HCN1: variants seen among roughly 807,000 people sequenced by gnomAD.
HCN1 encodes potassium/sodium hyperpolarization-activated cyclic nucleotide-gated channel 1.
Under a neutral mutation model 78.9 loss-of-function variants are expected in HCN1, and 13 were observed. The ratio of observed to expected loss-of-function variants is 0.16; its 90% CI spans 0.11 to 0.26. HCN1 has a LOEUF of 0.26. HCN1 is among the 10% of genes least tolerant of loss of function. HCN1 has a pLI of 1.00. For synonymous variants in HCN1, 552 were observed against 455.5 expected (o/e 1.21, Z -2.70); for missense variants, 810 against 1,154.3 (o/e 0.70, Z 4.32).
chr5:45,628,991 A>T (rs1338840370), intron 2 of HCN1, among the ~76,000 whole-genome samples: 1 of 151,472 alleles, frequency 6.6e-6, no homozygotes, highest in Non-Finnish European at 1.5e-5. Flanking sequence ...AAAATAAAAA[A>T]AAAAAAGAAA....
intron 2 of HCN1, among the ~76,000 whole-genome samples, chr5:45,540,110 T>C (rs1743068197): frequency 6.6e-6 from 1 of 151,794 alleles, no homozygotes; most frequent in Admixed American, 6.6e-5. Flanking sequence ...TTGTTGTTCA[T>C]TCAGATAGAA....
At chr5:45,436,598 T>C (rs1740564164) in intron 3 of HCN1, among the ~76,000 whole-genome samples, 1 of 152,210 alleles carries the variant, frequency 6.6e-6, no homozygotes, top group Admixed American at 6.5e-5. Context: ...CAGTTTGCTA[T>C]GGCAAGTAGT....
intron 3 of HCN1, among the ~76,000 whole-genome samples, chr5:45,427,619 A>G (rs1333097360): frequency 6.6e-6 from 1 of 152,108 alleles, no homozygotes; most frequent in African/African-American, 2.4e-5. Flanking sequence ...ATTTTTGGGG[A>G]AAAGTTATAA....
intron 4 of HCN1, among the ~76,000 whole-genome samples, chr5:45,373,923 A>ATCTATAATATATTACATACGGTATATACG (rs2112012404): frequency 7.7e-6 from 1 of 129,514 alleles, no homozygotes; most frequent in Non-Finnish European, 1.6e-5. Flanking sequence ...CGGTATATAC[A>ATCTATAATATATTACATACGGTATATACG]TCATATATAT....
At chr5:45,368,973 C>T (rs1213495341) in intron 4 of HCN1, among the ~76,000 whole-genome samples, 3 of 151,818 alleles carry the variant, frequency 2.0e-5, no homozygotes, top group Non-Finnish European at 2.9e-5. Context: ...CCTCATTCAC[C>T]TTCATAGCTA....
intron 4 of HCN1, among the ~76,000 whole-genome samples, chr5:45,393,010 T>A (rs1739614475): frequency 6.6e-6 from 1 of 152,130 alleles, no homozygotes. Context: ...GCACAGTCCA[T>A]TTTAACAGCT....
At chr5:45,313,367 C>A (rs191729659) in intron 5 of HCN1, among the ~76,000 whole-genome samples, 3 of 152,016 alleles carry the variant, frequency 2.0e-5, no homozygotes, top group African/African-American at 7.2e-5. Flanking sequence ...CCCATCTGTA[C>A]GTCACCATCA....
chr5:45,397,442 G>A (rs1739707515), intron 3 of HCN1, among the ~76,000 whole-genome samples: 1 of 151,858 alleles, frequency 6.6e-6, no homozygotes, highest in South Asian at 2.1e-4. Flanking sequence ...TGTAACTTCT[G>A]ATGTCATTTA....
intron 2 of HCN1, among the ~76,000 whole-genome samples, chr5:45,500,133 A>G (rs1045622982): frequency 1.3e-5 from 2 of 152,152 alleles, no homozygotes; most frequent in African/African-American, 2.4e-5. Context: ...AACAATATAG[A>G]TGCCATGACT....
chr5:45,336,155 G>C (rs1280589012), intron 5 of HCN1, among the ~76,000 whole-genome samples: 1 of 151,966 alleles, frequency 6.6e-6, no homozygotes, highest in Non-Finnish European at 1.5e-5. Context: ...GGAAAGCCAG[G>C]TCAGGCAGCA....
chr5:45,597,938 T>A (rs149011910), intron 2 of HCN1, among the ~76,000 whole-genome samples: 1,711 of 152,176 alleles, frequency 0.011, 18 homozygotes, highest in Middle Eastern at 0.058. Flanking sequence ...TGGAAGAACA[T>A]TCCATGCTCA....
intron 3 of HCN1, among the ~76,000 whole-genome samples, chr5:45,401,549 T>C (rs1189043446): frequency 5.9e-5 from 9 of 152,076 alleles, no homozygotes; most frequent in Admixed American, 5.9e-4. Flanking sequence ...TTTCTCATAA[T>C]GATTAAAAAG....
intron 2 of HCN1, among the ~76,000 whole-genome samples, chr5:45,524,615 A>C (rs1214701135): frequency 1.3e-5 from 2 of 152,024 alleles, no homozygotes; most frequent in Non-Finnish European, 2.9e-5. Flanking sequence ...TTCTCTTTGA[A>C]GCAATTGTGA....
chr5:45,552,249 A>G (rs1357941462), intron 2 of HCN1, among the ~76,000 whole-genome samples: 1 of 151,938 alleles, frequency 6.6e-6, no homozygotes, highest in Admixed American at 6.6e-5. Flanking sequence ...CAGCAGCAGT[A>G]CATTCCCTCT....
At chr5:45,539,927 T>G (rs1208099675) in intron 2 of HCN1, among the ~76,000 whole-genome samples, 16 of 8,588 alleles carry the variant, frequency 1.9e-3, no homozygotes, top group Non-Finnish European at 9.7e-3. Context: ...GAGATATATA[T>G]ATATATATAT....
At chr5:45,670,437 C>G (rs1229385029) in intron 1 of HCN1, among the ~76,000 whole-genome samples, 1 of 151,576 alleles carries the variant, frequency 6.6e-6, no homozygotes, top group Non-Finnish European at 1.5e-5. Flanking sequence ...ACCAAAGGAG[C>G]CTATAAACAT....
At chr5:45,673,754 T>A (rs1313989890) in intron 1 of HCN1, among the ~76,000 whole-genome samples, 1 of 151,578 alleles carries the variant, frequency 6.6e-6, no homozygotes, top group Non-Finnish European at 1.5e-5. Flanking sequence ...ATAAGACATT[T>A]TAAAATAGAC....
intron 4 of HCN1, among the ~76,000 whole-genome samples, chr5:45,376,044 AAT>A (rs1267237000): frequency 6.2e-5 from 7 of 113,216 alleles, no homozygotes; most frequent in African/African-American, 1.8e-4. Context: ...AATATTTTAT[AAT>A]ATATATTATA....
intron 3 of HCN1, among the ~76,000 whole-genome samples, chr5:45,421,018 T>C (rs1486199941): frequency 1.3e-5 from 2 of 152,134 alleles, no homozygotes; most frequent in Non-Finnish European, 2.9e-5. Context: ...TGGCTTTTCT[T>C]TCTTTCTTCC....
Sources: gnomAD v4.1 joint callset for allele counts (sites outside exome capture counted in the v4.1 genomes callset) on GRCh38, gnomAD v4.1.1 for gene constraint, MANE v1.5 for transcripts, NCBI Gene and HGNC (gene_info 2026-07-23, HGNC 2026-07-21) for gene names.